Variants in CFAP47 observed in about 807,000 individuals in gnomAD.
The protein encoded by CFAP47 is cilia and flagella associated protein 47.
In CFAP47, 29 loss-of-function variants were observed where a neutral mutation model predicts 148.1. That is an observed-to-expected ratio of 0.20 (90% CI 0.15 to 0.27). The LOEUF (loss-of-function observed/expected upper bound fraction) is 0.27. CFAP47 is among the 10% of genes least tolerant of loss of function. The pLI, the probability that CFAP47 is intolerant of heterozygous loss-of-function variation, is 1.00. For synonymous variants in CFAP47, 664 were observed against 577.3 expected (o/e 1.15, Z -2.15); for missense variants, 1,872 against 1,697.5 (o/e 1.10, Z -1.81).
chrX:36,179,276 A>G (rs1358220518), intron 39 of CFAP47, 69 bp from the exon 40 acceptor site: 1 of 288,565 alleles, frequency 3.5e-6, no homozygotes, highest in Non-Finnish European at 6.1e-6. Context: ...AAATAAAAGA[A>G]GAATGTTTTG....
At chrX:36,016,701 CTTTTTTTTTTT>C (rs1281064323) in intron 22 of CFAP47, among the ~76,000 whole-genome samples, 1 of 54,457 alleles carries the variant, frequency 1.8e-5, no homozygotes, top group African/African-American at 6.0e-5. Flanking sequence ...TTATGCCAGT[CTTTTTTTTTTT>C]TTTTTTTTTT....
intron 35 of CFAP47, chrX:36,144,855 C>T: frequency 1.0e-6 from 1 of 997,526 alleles, no homozygotes; most frequent in Non-Finnish European, 1.3e-6. Flanking sequence ...CACCAGCAGC[C>T]TCCTTTGGGC....
intron 51 of CFAP47, among the ~76,000 whole-genome samples, chrX:36,293,566 C>T (rs1941213055): frequency 9.0e-6 from 1 of 111,694 alleles, no homozygotes; most frequent in Non-Finnish European, 1.9e-5. Flanking sequence ...TTTTAATGGC[C>T]TTGACACACA....
At chrX:36,193,328 T>C in intron 42 of CFAP47, among the ~76,000 whole-genome samples, 1 of 112,178 alleles carries the variant, frequency 8.9e-6, no homozygotes, top group Non-Finnish European at 1.9e-5. Context: ...GCTAAAATCT[T>C]TATGTGATTT....
At chrX:36,033,215 C>T (rs1428085811) in intron 23 of CFAP47, among the ~76,000 whole-genome samples, 2 of 112,150 alleles carry the variant, frequency 1.8e-5, no homozygotes, top group East Asian at 5.6e-4. Flanking sequence ...ATTGGCGTCA[C>T]ATTTAGATAA....
At chrX:35,924,130 T>C (rs1306228667) in intron 1 of CFAP47, among the ~76,000 whole-genome samples, 3 of 100,607 alleles carry the variant, frequency 3.0e-5, no homozygotes. Context: ...CGTACATATA[T>C]GTATATGTGT....
intron 53 of CFAP47, among the ~76,000 whole-genome samples, chrX:36,302,997 A>C (rs1321670505): frequency 1.8e-5 from 2 of 112,044 alleles, no homozygotes; most frequent in East Asian, 5.6e-4. Context: ...AACTAAAAGA[A>C]GTCATTATAT....
In CFAP47 at chrX:36,251,253, T is replaced by C. The variant is rs1346016445; in HGVS notation, c.7333-80T>C. ...TCAGTTTGTTCTATGCTTTAACTTG[T>C]TACAGTAATTTCATGTAGTGTAGTG... On this transcript the variant is annotated intron_variant, in intron 48 of 63. Coordinates refer to ENST00000378653, the MANE Select transcript of CFAP47 (RefSeq NM_001304548.2). 1.6e-5 allele frequency: 5 copies of C among 317,129 alleles called. No individual in the cohort carries two copies. In the East Asian group the frequency reaches 2.4e-4, roughly 15 times the overall value. The allele number at this position is 317,129 out of a possible 1,213,427, so 26.1% of individuals were successfully genotyped here. A position where few individuals can be genotyped will look rare whatever the true frequency, so the allele number is the denominator to read the frequency against.
In CFAP47 at chrX:36,073,154, C is replaced by T; in HGVS notation, c.4481C>T (p.Pro1494Leu). The T allele has an allele frequency of 8.3e-7, 1 of 1,207,728 alleles. No individual in the cohort carries two copies. Among genetic ancestry groups the T allele is most frequent in the Non-Finnish European group, 1.1e-6 (1 of 892,497 alleles). Residue 1494 changes from proline (P) to leucine (L), a missense_variant, in exon 29 of 64, where the codon CCT becomes CTT. Physicochemically the swap from Pro to Leu is moderately conservative, Grantham distance 98. Coordinates refer to ENST00000378653, the MANE Select transcript of CFAP47 (RefSeq NM_001304548.2). Reference protein sequence around the residue: ...GNLFIGVEVLPENLHLDESET... With the variant: ...GNLFIGVEVLLENLHLDESET... ...TTAATTTTAGGAGTGGAAGTACTGC[C>T]TGAAAATTTGCACTTGGATGAAAGT...
In CFAP47 at chrX:36,319,940, C is replaced by T. The variant is rs1003899711; in HGVS notation, c.8443+633C>T. On this transcript the variant is annotated intron_variant, in intron 57 of 63. Coordinates refer to ENST00000378653, the MANE Select transcript of CFAP47 (RefSeq NM_001304548.2). ...TCCCAGGTTCGAGCAATTCTCCTGT[C>T]TCAGCCTCCCAAGTAGCTGGGACTA... Among the ~76,000 whole-genome samples the T allele has an allele frequency of 2.7e-5, 3 of 111,139 alleles. No homozygotes were observed. The Admixed American group carries it at 2.9e-4, about 11-fold the overall frequency.
At chrX:36,069,180 A>G (rs1937699547) in intron 27 of CFAP47, among the ~76,000 whole-genome samples, 1 of 110,523 alleles carries the variant, frequency 9.0e-6, no homozygotes, top group Admixed American at 9.7e-5. Context: ...TCTTTTATTA[A>G]GCAAAATGTA....
intron 42 of CFAP47, among the ~76,000 whole-genome samples, chrX:36,197,739 A>G (rs1291466469): frequency 1.8e-5 from 2 of 111,956 alleles, no homozygotes; most frequent in African/African-American, 6.5e-5. Flanking sequence ...CCAGGAGTGT[A>G]TAGACTTAAA....
At chrX:36,156,541 A>T (rs1939368823) in intron 37 of CFAP47, among the ~76,000 whole-genome samples, 1 of 111,005 alleles carries the variant, frequency 9.0e-6, no homozygotes, top group South Asian at 3.8e-4. Context: ...ATGTGCACTG[A>T]CATTGATGTG....
intron 52 of CFAP47, 46 bp from the exon 53 acceptor site, chrX:36,301,026 A>T (rs1556007723): frequency 1.2e-6 from 1 of 801,103 alleles, no homozygotes; most frequent in African/African-American, 2.1e-5. Flanking sequence ...AATTTATTAC[A>T]CAAACTAAAA....
chrX:36,104,202 A>G (rs1022025712), intron 32 of CFAP47, among the ~76,000 whole-genome samples: 1 of 112,349 alleles, frequency 8.9e-6, no homozygotes, highest in Non-Finnish European at 1.9e-5. Flanking sequence ...ATGAATTTAC[A>G]TCCTAACAGA....
chrX:35,939,949 A>G (rs1935978759), intron 2 of CFAP47, among the ~76,000 whole-genome samples: 1 of 106,668 alleles, frequency 9.4e-6, no homozygotes, highest in South Asian at 4.3e-4. Flanking sequence ...CGTCCTCTCC[A>G]GCACCTGTTG....
At chrX:36,274,517 A>C (rs1313916068) in intron 49 of CFAP47, among the ~76,000 whole-genome samples, 1 of 111,908 alleles carries the variant, frequency 8.9e-6, no homozygotes, top group Non-Finnish European at 1.9e-5. Context: ...ATTGAGGGGC[A>C]TCTATACTTG....
chrX:36,150,187 T>C (rs763223862), intron 37 of CFAP47, among the ~76,000 whole-genome samples: 15 of 111,391 alleles, frequency 1.3e-4, no homozygotes, highest in African/African-American at 4.9e-4. Flanking sequence ...TGTGTTCTCA[T>C]AGTTATTTAA....
intron 33 of CFAP47, among the ~76,000 whole-genome samples, chrX:36,117,659 G>C (rs904086432): frequency 1.8e-5 from 2 of 111,319 alleles, no homozygotes; most frequent in Non-Finnish European, 3.8e-5. Flanking sequence ...TTAACAGATG[G>C]GTATTTTTCA....
Sources: allele counts gnomAD v4.1 joint callset (sites outside exome capture counted in the v4.1 genomes callset), GRCh38; gene constraint gnomAD v4.1.1; transcripts MANE v1.5; gene names NCBI Gene and HGNC (gene_info 2026-07-23, HGNC 2026-07-21).